Variants in SEMA3A observed in about 807,000 individuals in gnomAD.
The protein encoded by SEMA3A is semaphorin-3A.
SEMA3A carries 29 observed loss-of-function variants against 97.9 expected under a neutral mutation model. That is an observed-to-expected ratio of 0.30 (90% CI 0.22 to 0.40). The LOEUF (loss-of-function observed/expected upper bound fraction) is 0.40, where lower values mean the gene tolerates loss of function less well. Among genes scored for constraint, SEMA3A ranks in the 10% least tolerant of loss-of-function variants. SEMA3A has a pLI of 1.00. For synonymous variants in SEMA3A, 321 were observed against 323.7 expected (o/e 0.99, Z 0.09); for missense variants, 763 against 951.3 (o/e 0.80, Z 2.60).
intron 1 of SEMA3A, among the ~76,000 whole-genome samples, chr7:84,412,113 A>G (rs1408176529): frequency 6.6e-6 from 1 of 152,184 alleles, no homozygotes; most frequent in Non-Finnish European, 1.5e-5. Flanking sequence ...GAATGCCTTG[A>G]TAAGGCTACA....
chr7:84,427,112 A>G (rs1804847163), intron 1 of SEMA3A, among the ~76,000 whole-genome samples: 1 of 152,100 alleles, frequency 6.6e-6, no homozygotes, highest in Non-Finnish European at 1.5e-5. Context: ...TTCAACTATT[A>G]TAATAAATAC....
chr7:84,110,226 A>T (rs1795235516), intron 4 of SEMA3A, among the ~76,000 whole-genome samples: 1 of 152,068 alleles, frequency 6.6e-6, no homozygotes, highest in South Asian at 2.1e-4. Context: ...AATGGATTGG[A>T]CTCTGTAATC....
chr7:84,029,547 C>CCATATTTACA (rs1791663166), intron 6 of SEMA3A, among the ~76,000 whole-genome samples: 2 of 152,058 alleles, frequency 1.3e-5, no homozygotes, highest in South Asian at 4.1e-4. Context: ...CAGGAAGCTG[C>CCATATTTACA]CATATTTACA....
chr7:84,245,759 G>A (rs1799462876), intron 3 of SEMA3A, among the ~76,000 whole-genome samples: 3 of 152,030 alleles, frequency 2.0e-5, no homozygotes, highest in Non-Finnish European at 4.4e-5. Context: ...CAAGATGCCA[G>A]CTGGAGTTCT....
intron 3 of SEMA3A, among the ~76,000 whole-genome samples, chr7:84,257,650 T>C (rs958907980): frequency 2.0e-5 from 3 of 152,180 alleles, no homozygotes; most frequent in African/African-American, 7.2e-5. Context: ...CAGTGCCTGC[T>C]GTGATTTTCT....
chr7:84,060,784 T>C (rs1293111197), intron 4 of SEMA3A, among the ~76,000 whole-genome samples: 2 of 152,188 alleles, frequency 1.3e-5, no homozygotes, highest in Non-Finnish European at 2.9e-5. Context: ...AGTTAGCACG[T>C]TGCAAACAAT....
At chr7:84,226,407 T>C (rs562010680) in intron 3 of SEMA3A, among the ~76,000 whole-genome samples, 39 of 152,230 alleles carry the variant, frequency 2.6e-4, no homozygotes, top group African/African-American at 8.7e-4. Flanking sequence ...TCAAGTGTTA[T>C]GGAGAAATTC....
At chr7:84,484,250 A>T (rs1806519131) in intron 1 of SEMA3A, among the ~76,000 whole-genome samples, 1 of 152,118 alleles carries the variant, frequency 6.6e-6, no homozygotes, top group Non-Finnish European at 1.5e-5. Flanking sequence ...AAATAATTTT[A>T]AAAATGTAGT....
At chr7:84,384,249 C>G (rs1297592169) in intron 1 of SEMA3A, among the ~76,000 whole-genome samples, 1 of 152,050 alleles carries the variant, frequency 6.6e-6, no homozygotes, top group African/African-American at 2.4e-5. Flanking sequence ...AAATGTGTTA[C>G]ATTTTATTTT....
chr7:84,177,803 T>G (rs1434758085), intron 1 of SEMA3A, among the ~76,000 whole-genome samples: 2 of 152,166 alleles, frequency 1.3e-5, no homozygotes, highest in African/African-American at 4.8e-5. Context: ...GATTCCACTC[T>G]TCTGATTTGA....
rs546832401 is a variant in SEMA3A at position 83,977,786 on chromosome 7, T to C, written c.1653-590A>G. Among the ~76,000 whole-genome samples, 120 of 120,106 alleles carry C rather than the reference T, an allele frequency of 1.0e-3. 1 individual carries two copies. Among genetic ancestry groups the C allele is most frequent in the African/African-American group, 3.7e-3 (119 of 32,458 alleles). 78.8% of individuals were successfully genotyped at this position (120,106 alleles called of 152,430 possible). Reference sequence around the variant, plus strand: ...TTTTCTTGGTTATTGTATCAACCTATCCTTTTTTTTTTTCTTTCTTTCTTT... The same window carrying C: ...TTTTCTTGGTTATTGTATCAACCTACCCTTTTTTTTTTTCTTTCTTTCTTT... On this transcript the variant is annotated intron_variant, in intron 14 of 16. Transcript: ENST00000265362.
chr7:84,065,515 A>G lies in SEMA3A; in HGVS notation c.454-4957T>C, dbSNP rs192410058. On this transcript the variant is annotated intron_variant, in intron 4 of 16. Transcript: ENST00000265362. The stretch of plus-strand genomic sequence containing the variant: ...TTGAAAGGATCAACAAAATTGATAG[A>G]CCGCTAGCAAGACTAATAAAGAAAA... Among the ~76,000 whole-genome samples, 750 of 150,200 alleles carry G rather than the reference A, an allele frequency of 5.0e-3. 7 individuals are homozygous for G. The highest frequency in any genetic ancestry group is 0.017 in the African/African-American group (689 of 40,472).
In SEMA3A at chr7:83,977,037, T is replaced by TGA. The variant is rs35361892; in HGVS notation, c.1717+93_1717+94dup. 0.77 allele frequency: 451,852 copies of TGA among 585,646 alleles called. 176,391 individuals carry two copies. The highest frequency in any genetic ancestry group is 0.89 in the East Asian group (28,649 of 32,348). 36.3% of individuals were successfully genotyped at this position (585,646 alleles called of 1,614,324 possible). A position where few individuals can be genotyped will look rare whatever the true frequency, so the allele number is the denominator to read the frequency against. On this transcript the variant is annotated intron_variant, in intron 15 of 16. Transcript: ENST00000265362. ...TTCGGCTGCATTTCTTTAAGTATTC[T>TGA]GAGAGATGCATACATTGCATGCATA...
chr7:83,994,964 C>T (rs910014325), intron 12 of SEMA3A, among the ~76,000 whole-genome samples: 4 of 151,918 alleles, frequency 2.6e-5, no homozygotes, highest in Non-Finnish European at 4.4e-5. Context: ...TAGCAATCAG[C>T]GAGACTCCAT....
At chr7:84,325,260 C>G (rs902670377) in intron 2 of SEMA3A, among the ~76,000 whole-genome samples, 1 of 151,944 alleles carries the variant, frequency 6.6e-6, no homozygotes, top group Non-Finnish European at 1.5e-5. Flanking sequence ...TCCTATAAAA[C>G]TAACATTCAA....
At chr7:84,052,319 C>T (rs28837154) in intron 5 of SEMA3A, among the ~76,000 whole-genome samples, 12,003 of 152,176 alleles carry the variant, frequency 0.079, 502 homozygotes, top group Middle Eastern at 0.1. Flanking sequence ...TGGTACAATT[C>T]GGCTGTGAAT....
chr7:84,223,390 C>G (rs925305420), intron 3 of SEMA3A, among the ~76,000 whole-genome samples: 4 of 151,810 alleles, frequency 2.6e-5, no homozygotes, highest in Non-Finnish European at 2.9e-5. Context: ...ATTACATTAT[C>G]TGTAATATTG....
At chr7:84,174,680 A>G (rs906782080) in intron 1 of SEMA3A, among the ~76,000 whole-genome samples, 3 of 152,218 alleles carry the variant, frequency 2.0e-5, no homozygotes, top group Non-Finnish European at 4.4e-5. Context: ...AAAAACAATG[A>G]AAGTTTTTAT....
intron 6 of SEMA3A, among the ~76,000 whole-genome samples, chr7:84,037,123 G>T (rs569433747): frequency 1.3e-5 from 2 of 150,174 alleles, no homozygotes; most frequent in African/African-American, 4.9e-5. Flanking sequence ...AACATTCTTT[G>T]CAGATTCCTT....
Sources: allele counts gnomAD v4.1 joint callset (sites outside exome capture counted in the v4.1 genomes callset), GRCh38; gene constraint gnomAD v4.1.1; transcripts MANE v1.5; gene names NCBI Gene and HGNC (gene_info 2026-07-23, HGNC 2026-07-21).